Variants in COL24A1 observed in about 807,000 individuals in gnomAD.
COL24A1 encodes the protein collagen type XXIV alpha 1 chain, also known as collagen alpha-1(XXIV) chain.
A neutral mutation model predicts 253.9 loss-of-function variants in COL24A1; 224 were observed. The observed-to-expected ratio is 0.88, with a 90% CI of 0.79 to 0.99. COL24A1 has a LOEUF of 0.99. Ranked by LOEUF, COL24A1 falls within the 50% of genes least tolerant of loss-of-function variation. The pLI, the probability that COL24A1 is intolerant of heterozygous loss-of-function variation, is 0.00. For missense variants in COL24A1, 2,131 were observed against 2,068.5 expected (o/e 1.03, Z -0.59); for synonymous variants, 685 against 673.7 (o/e 1.02, Z -0.26).
chr1:85,972,341 C>T (rs1232699499), intron 20 of COL24A1, among the ~76,000 whole-genome samples: 7 of 152,008 alleles, frequency 4.6e-5, no homozygotes, highest in Admixed American at 4.6e-4. Flanking sequence ...ATCTTTCCTT[C>T]ATGTTATATT....
chr1:85,955,262 T>C (rs499518), intron 24 of COL24A1, among the ~76,000 whole-genome samples: 79,343 of 151,998 alleles, frequency 0.52, 21,307 homozygotes, highest in African/African-American at 0.58. Context: ...CACCTTCCCA[T>C]TCCATCCCCT....
intron 37 of COL24A1, among the ~76,000 whole-genome samples, chr1:85,853,765 CT>C (rs1678090601): frequency 6.6e-6 from 1 of 152,148 alleles, no homozygotes; most frequent in East Asian, 1.9e-4. Flanking sequence ...AAATGTATGT[CT>C]TTTTTTGAGA....
chr1:85,855,707 C>T (rs1306962314), intron 37 of COL24A1, among the ~76,000 whole-genome samples: 1 of 152,074 alleles, frequency 6.6e-6, no homozygotes, highest in African/African-American at 2.4e-5. Flanking sequence ...TGATGCTGGC[C>T]TCATGCAATG....
chr1:86,056,519 A>G (rs925276498), intron 10 of COL24A1, among the ~76,000 whole-genome samples: 1 of 152,218 alleles, frequency 6.6e-6, no homozygotes, highest in Non-Finnish European at 1.5e-5. Flanking sequence ...AGACATCATT[A>G]TTGCACATAT....
chr1:86,027,304 G>C (rs1419153985), intron 14 of COL24A1, among the ~76,000 whole-genome samples: 1 of 152,074 alleles, frequency 6.6e-6, no homozygotes, highest in African/African-American at 2.4e-5. Context: ...AGACAATGGG[G>C]AAAATGTCTC....
intron 53 of COL24A1, among the ~76,000 whole-genome samples, chr1:85,771,654 C>A (rs1283037923): frequency 6.6e-6 from 1 of 152,076 alleles, no homozygotes; most frequent in Non-Finnish European, 1.5e-5. Context: ...ATTTCTAGTT[C>A]TAGATCCTTG....
chr1:85,797,228 A>AT lies in COL24A1; in HGVS notation c.3952-10768_3952-10767insA, dbSNP rs1670924856. On this transcript the variant is annotated intron_variant, in intron 47 of 59. Transcript: ENST00000370571. ...GTCTCAAAAAAAAAAAAAAAAAAAAAAAGAACATTCAATTCCCAAATGTTT... is the reference window on the plus strand; with the variant it reads ...GTCTCAAAAAAAAAAAAAAAAAAAAATAAGAACATTCAATTCCCAAATGTTT... 4.0e-5 allele frequency among the ~76,000 whole-genome samples: 6 copies of AT among 151,756 alleles called. No homozygotes were observed. The South Asian group carries it at 1.2e-3, about 32-fold the overall frequency.
chr1:86,125,580 T>C lies in COL24A1; in HGVS notation c.756A>G (p.Thr252=), dbSNP rs1011045496. Residue 252 remains threonine, a synonymous_variant, in exon 3 of 60, where the codon ACA becomes ACG. Coordinates refer to ENST00000370571, the MANE Select transcript of COL24A1 (RefSeq NM_152890.7). ...CRQADKYQPE[T]SIPCTTLIPT... is the part of the protein sequence containing the mutation. Reference sequence around the variant, plus strand: ...GTATGAGAGTTGTACAAGGAATGCTTGTTTCAGGTTGGTATTTGTCTGCTT... The same window carrying C: ...GTATGAGAGTTGTACAAGGAATGCTCGTTTCAGGTTGGTATTTGTCTGCTT... The C allele has an allele frequency of 1.2e-6, 2 of 1,613,462 alleles. No homozygotes were observed. Among genetic ancestry groups the C allele is most frequent in the Non-Finnish European group, 1.7e-6 (2 of 1,179,730 alleles).
intron 42 of COL24A1, among the ~76,000 whole-genome samples, chr1:85,840,971 T>G (rs1210077837): frequency 6.6e-6 from 1 of 152,178 alleles, no homozygotes; most frequent in Admixed American, 6.5e-5. Flanking sequence ...ATGCCTTCAA[T>G]GCAGAAAGTT....
chr1:86,055,938 T>A (rs1700629606), intron 10 of COL24A1, among the ~76,000 whole-genome samples: 1 of 151,878 alleles, frequency 6.6e-6, no homozygotes, highest in Non-Finnish European at 1.5e-5. Flanking sequence ...CTGGCCAATA[T>A]GAATCCCCAT....
chr1:85,864,491 T>C lies in COL24A1; in HGVS notation c.3300+4028A>G, dbSNP rs778806029. Among the ~76,000 whole-genome samples, 11 of 152,096 alleles carry C rather than the reference T, an allele frequency of 7.2e-5. No individual in the cohort carries two copies. In the East Asian group the frequency reaches 2.1e-3, roughly 29 times the overall value. ...CACCAACATGGCACATGTATACATA[T>C]GTAACAAACCTGCACGTTGTGTACA... On this transcript the variant is annotated intron_variant, in intron 37 of 59. Coordinates refer to ENST00000370571, the MANE Select transcript of COL24A1 (RefSeq NM_152890.7).
intron 10 of COL24A1, among the ~76,000 whole-genome samples, chr1:86,051,185 T>A (rs1700272368): frequency 6.6e-6 from 1 of 152,146 alleles, no homozygotes; most frequent in Admixed American, 6.5e-5. Flanking sequence ...TCAACAAACA[T>A]TATTTTAGTA....
At chr1:85,952,863 A>G (rs1294701408) in intron 24 of COL24A1, among the ~76,000 whole-genome samples, 2 of 152,224 alleles carry the variant, frequency 1.3e-5, no homozygotes, top group Non-Finnish European at 2.9e-5. Flanking sequence ...AAGTTTTAAA[A>G]TTTAGTATAT....
At position 85,734,969 on chromosome 1, in the gene COL24A1, T is replaced by C. The variant is rs775987093; in HGVS notation, c.4783-5A>G. On this transcript the variant is annotated splice_polypyrimidine_tract_variant and splice_region_variant and intron_variant, in intron 58 of 59. Transcript: ENST00000370571. ...TTTCCCAACTCCAAACTCCAACTAA[T>C]GTCATAGAAATGATATGCAGGTTAT... The C allele has an allele frequency of 1.2e-6, 2 of 1,613,666 alleles. No individual in the cohort carries two copies. The highest frequency in any genetic ancestry group is 1.1e-5 in the South Asian group (1 of 91,070).
intron 19 of COL24A1, among the ~76,000 whole-genome samples, chr1:86,009,970 CAG>C (rs10592789): frequency 0.085 from 12,941 of 152,006 alleles, 1,228 homozygotes; most frequent in East Asian, 0.44. Flanking sequence ...GAAGCAAAGA[CAG>C]ATTGTTTAAC....
At chr1:85,856,720 A>C (rs1678477081) in intron 37 of COL24A1, among the ~76,000 whole-genome samples, 1 of 152,172 alleles carries the variant, frequency 6.6e-6, no homozygotes, top group Non-Finnish European at 1.5e-5. Flanking sequence ...CAAAATTTGA[A>C]AATTAGTAAA....
At chr1:85,886,084 A>G (rs1682466005) in intron 32 of COL24A1, among the ~76,000 whole-genome samples, 1 of 149,396 alleles carries the variant, frequency 6.7e-6, no homozygotes, top group Non-Finnish European at 1.5e-5. Flanking sequence ...TTTTTTTGAG[A>G]TGGAATCTCA....
At chr1:85,959,240 C>G (rs1281408120) in intron 24 of COL24A1, among the ~76,000 whole-genome samples, 2 of 152,018 alleles carry the variant, frequency 1.3e-5, no homozygotes, top group Non-Finnish European at 2.9e-5. Flanking sequence ...TAAAAATATT[C>G]TTTAGACATT....
chr1:85,737,639 C>T (rs1664194404), intron 57 of COL24A1, 134 bp from the exon 58 acceptor site: 3 of 549,972 alleles, frequency 5.5e-6, no homozygotes, highest in Middle Eastern at 5.0e-4. Flanking sequence ...TCTTGGCTCA[C>T]TGTAACCTCC....
Sources: allele counts gnomAD v4.1 joint callset (sites outside exome capture counted in the v4.1 genomes callset), GRCh38; gene constraint gnomAD v4.1.1; transcripts MANE v1.5; gene names NCBI Gene and HGNC (gene_info 2026-07-23, HGNC 2026-07-21).